The following PTN variants were observed in gnomAD, a reference collection of about 807,000 sequenced individuals.
PTN encodes the protein heparin affin regulatory protein.
PTN carries 18 observed loss-of-function variants against 24.1 expected under a neutral mutation model. The observed-to-expected ratio is 0.75, with a 90% CI of 0.52 to 1.11. The LOEUF is 1.11. Ranked by LOEUF, PTN falls within the 50% of genes least tolerant of loss-of-function variation. The probability of loss-of-function intolerance (pLI) is 0.00; values close to 1 mark genes in which losing one functional copy is unlikely to be tolerated. For missense variants in PTN, 163 were observed against 198.8 expected, an observed-to-expected ratio of 0.82 and a Z score of 1.08; for synonymous variants, 78 against 68.6, an observed-to-expected ratio of 1.14 and a Z score of -0.67.
At chr7:137,248,575 G>A (rs1375270295) in intron 4 of PTN, among the ~76,000 whole-genome samples, 2 of 152,176 alleles carry the variant, frequency 1.3e-5, no homozygotes, top group Non-Finnish European at 2.9e-5. Context: ...AGCTACTCAG[G>A]AGGCTGAGGC....
intron 1 of PTN, among the ~76,000 whole-genome samples, chr7:137,294,744 C>T (rs913093002): frequency 2.6e-5 from 4 of 152,026 alleles, no homozygotes; most frequent in Non-Finnish European, 5.9e-5. Context: ...TGGAGAAATA[C>T]GTGGAAGGCA....
intron 1 of PTN, among the ~76,000 whole-genome samples, chr7:137,257,185 C>T (rs1306551699): frequency 1.3e-5 from 2 of 152,152 alleles, no homozygotes; most frequent in South Asian, 4.1e-4. Context: ...GAATCACAAG[C>T]CTAGATTAGC....
rs1809549147 is a variant in PTN, at chr7:137,286,074, T to C, written c.-1-31100A>G. 2.0e-5 allele frequency among the ~76,000 whole-genome samples: 3 copies of C among 152,216 alleles called. No individual in the cohort carries two copies. In the South Asian group the frequency reaches 6.2e-4, roughly 32 times the overall value. On this transcript the variant is annotated intron_variant, in intron 1 of 4. Coordinates refer to ENST00000348225, the MANE Select transcript of PTN (RefSeq NM_002825.7). ...ATAAAAGAAAACATGGGGAAATTAT[T>C]TTTTAAAACTCATATGCACCTAGTT...
intron 1 of PTN, among the ~76,000 whole-genome samples, chr7:137,272,716 C>T (rs919598696): frequency 6.6e-6 from 1 of 151,924 alleles, no homozygotes; most frequent in African/African-American, 2.4e-5. Flanking sequence ...CTATTTCTCT[C>T]TAAAAAAACG....
At chr7:137,333,709 AC>A (rs1810398252) in intron 1 of PTN, among the ~76,000 whole-genome samples, 1 of 152,178 alleles carries the variant, frequency 6.6e-6, no homozygotes, top group Non-Finnish European at 1.5e-5. Flanking sequence ...TTCATATGGA[AC>A]CAAAAAAGAG....
chr7:137,259,699 G>A (rs1368103222), intron 1 of PTN, among the ~76,000 whole-genome samples: 1 of 151,528 alleles, frequency 6.6e-6, no homozygotes. Context: ...GACAGAGAGA[G>A]AGAGACATGA....
chr7:137,251,437 C>T lies in PTN; in HGVS notation c.290-46G>A, dbSNP rs373563213. The T allele has an allele frequency of 1.6e-5, 25 of 1,584,586 alleles. No individual in the cohort carries two copies. In the African/African-American group the frequency reaches 1.8e-4, roughly 11 times the overall value. On this transcript the variant is annotated intron_variant, in intron 3 of 4. Coordinates refer to ENST00000348225, the MANE Select transcript of PTN (RefSeq NM_002825.7). ...AACAGAAATCCTTGAAAGATCCTAT[C>T]GTACTTCCAGGATAATAAAGGCACA...
intron 1 of PTN, among the ~76,000 whole-genome samples, chr7:137,339,403 C>T (rs320720): frequency 0.39 from 58,459 of 151,290 alleles, 11,574 homozygotes; most frequent in South Asian, 0.47. Context: ...TGGCTGGCCA[C>T]AGGAGCAAGA....
intron 4 of PTN, among the ~76,000 whole-genome samples, chr7:137,241,619 C>T (rs1472626150): frequency 6.6e-6 from 1 of 152,092 alleles, no homozygotes; most frequent in Non-Finnish European, 1.5e-5. Flanking sequence ...ACTGTCAACT[C>T]TAATTTAGAG....
chr7:137,259,618 A>G (rs994277982), intron 1 of PTN, among the ~76,000 whole-genome samples: 2 of 150,776 alleles, frequency 1.3e-5, no homozygotes, highest in African/African-American at 2.5e-5. Context: ...TGCTTTTTTT[A>G]TTAAAAAAAT....
intron 1 of PTN, among the ~76,000 whole-genome samples, chr7:137,309,525 T>C (rs1809946660): frequency 1.3e-5 from 2 of 152,170 alleles, no homozygotes; most frequent in Non-Finnish European, 2.9e-5. Context: ...TGATAACATT[T>C]TACCCACAGG....
intron 1 of PTN, among the ~76,000 whole-genome samples, chr7:137,330,034 C>T (rs1274037164): frequency 6.6e-6 from 1 of 152,172 alleles, no homozygotes; most frequent in Non-Finnish European, 1.5e-5. Context: ...CACCTGTAAT[C>T]CCAGCACTTT....
At chr7:137,283,064 C>T (rs945374296) in intron 1 of PTN, among the ~76,000 whole-genome samples, 2 of 152,076 alleles carry the variant, frequency 1.3e-5, no homozygotes, top group African/African-American at 2.4e-5. Context: ...CTACCCCCTC[C>T]ACTCCCACCT....
chr7:137,232,645 T>G (rs147172250), intron 4 of PTN, among the ~76,000 whole-genome samples: 2 of 151,940 alleles, frequency 1.3e-5, no homozygotes, highest in Non-Finnish European at 2.9e-5. Context: ...AGGAAATTCT[T>G]TGAATGCATA....
intron 1 of PTN, among the ~76,000 whole-genome samples, chr7:137,297,111 T>C (rs1714654897): frequency 6.6e-6 from 1 of 152,074 alleles, no homozygotes; most frequent in South Asian, 2.1e-4. Flanking sequence ...GAAGCTTGCA[T>C]AAGATATGGA....
At chr7:137,273,941 G>T (rs1457476818) in intron 1 of PTN, among the ~76,000 whole-genome samples, 1 of 151,912 alleles carries the variant, frequency 6.6e-6, no homozygotes, top group Non-Finnish European at 1.5e-5. Context: ...GGTGTTTTAG[G>T]TACTTCAGCT....
At position 137,301,466 on chromosome 7, in the gene PTN, G is replaced by A. The variant is rs183594550; in HGVS notation, c.-2+41973C>T. Among the ~76,000 whole-genome samples, 402 of 152,022 alleles carry A rather than the reference G, an allele frequency of 2.6e-3. 2 individuals are homozygous for A. Among genetic ancestry groups the A allele is most frequent in the African/African-American group, 9.3e-3 (387 of 41,500 alleles). On this transcript the variant is annotated intron_variant, in intron 1 of 4. Coordinates refer to ENST00000348225, the MANE Select transcript of PTN (RefSeq NM_002825.7). The stretch of plus-strand genomic sequence containing the variant: ...AGATTGGACTAGATGTTTTAAGAGA[G>A]AGGATTAATGAGCTATATTGGTCAA...
intron 4 of PTN, among the ~76,000 whole-genome samples, chr7:137,244,022 G>A (rs1437916600): frequency 6.6e-6 from 1 of 152,170 alleles, no homozygotes; most frequent in African/African-American, 2.4e-5. Flanking sequence ...TAACGAGCTA[G>A]AGTAGATCTC....
chr7:137,231,530 AATT>A (rs1163102349), intron 4 of PTN, among the ~76,000 whole-genome samples: 3 of 151,796 alleles, frequency 2.0e-5, no homozygotes, highest in Non-Finnish European at 4.4e-5. Context: ...TTTTGTCTCT[AATT>A]ATTTGGTATG....
Sources: allele counts gnomAD v4.1 joint callset (sites outside exome capture counted in the v4.1 genomes callset), GRCh38; gene constraint gnomAD v4.1.1; transcripts MANE v1.5; gene names NCBI Gene and HGNC (gene_info 2026-07-23, HGNC 2026-07-21).